Variants in GSK3B observed in about 807,000 individuals in gnomAD.
The protein encoded by GSK3B is glycogen synthase kinase-3 beta.
In GSK3B, 15 loss-of-function variants were observed where a neutral mutation model predicts 56.4. That is an observed-to-expected ratio of 0.27 (90% CI 0.18 to 0.41). GSK3B has a LOEUF of 0.41. Ranked by LOEUF, GSK3B falls within the 10% of genes least tolerant of loss-of-function variation. The pLI, the probability that GSK3B is intolerant of heterozygous loss-of-function variation, is 1.00. For missense variants in GSK3B, 300 were observed against 513.4 expected (o/e 0.58, Z 4.02); for synonymous variants, 181 against 188.9 (o/e 0.96, Z 0.34).
At chr3:119,830,127 C>T (rs1284538630) in intron 10 of GSK3B, among the ~76,000 whole-genome samples, 1 of 152,126 alleles carries the variant, frequency 6.6e-6, no homozygotes, top group African/African-American at 2.4e-5. Flanking sequence ...AAAAGACCAC[C>T]CAGCTTACTG....
At chr3:120,014,132 C>CA (rs886541816) in intron 1 of GSK3B, among the ~76,000 whole-genome samples, 2,951 of 77,128 alleles carry the variant, frequency 0.038, 68 homozygotes, top group South Asian at 0.14. Flanking sequence ...GAGACTCTGT[C>CA]AAAAAAAAAA....
At chr3:120,089,129 G>A (rs1190608955) in intron 1 of GSK3B, among the ~76,000 whole-genome samples, 2 of 152,146 alleles carry the variant, frequency 1.3e-5, no homozygotes, top group Admixed American at 1.3e-4. Context: ...GCTGAACTTT[G>A]CCAGTGAAAT....
chr3:120,087,705 T>C (rs1467008356), intron 1 of GSK3B, among the ~76,000 whole-genome samples: 1 of 152,122 alleles, frequency 6.6e-6, no homozygotes, highest in African/African-American at 2.4e-5. Flanking sequence ...TCAAGACAAA[T>C]ACATCATTAC....
intron 1 of GSK3B, among the ~76,000 whole-genome samples, chr3:120,066,754 G>C (rs1406902204): frequency 6.6e-6 from 1 of 152,186 alleles, no homozygotes; most frequent in African/African-American, 2.4e-5. Flanking sequence ...CACACAGTCT[G>C]TCTTAACTAC....
At chr3:120,068,347 C>T (rs533506521) in intron 1 of GSK3B, among the ~76,000 whole-genome samples, 2,048 of 144,738 alleles carry the variant, frequency 0.014, 12 homozygotes, top group Non-Finnish European at 0.022. Flanking sequence ...GCTGAGATCG[C>T]GCCACTGCAC....
chr3:120,072,122 T>C (rs2058331284), intron 1 of GSK3B, among the ~76,000 whole-genome samples: 1 of 152,208 alleles, frequency 6.6e-6, no homozygotes, highest in Admixed American at 6.5e-5. Flanking sequence ...TCAATTATAC[T>C]ATATCTAAAT....
chr3:120,078,595 AGGCT>A (rs990263667), intron 1 of GSK3B, among the ~76,000 whole-genome samples: 22 of 142,718 alleles, frequency 1.5e-4, no homozygotes, highest in Non-Finnish European at 2.7e-4. Flanking sequence ...GCTGTTTCCC[AGGCT>A]GGAGAGCAAG....
At chr3:119,849,726 C>T (rs894772224) in intron 9 of GSK3B, among the ~76,000 whole-genome samples, 13 of 152,284 alleles carry the variant, frequency 8.5e-5, no homozygotes, top group African/African-American at 3.1e-4. Flanking sequence ...TCCTCAGATA[C>T]CCAAATCCAA....
chr3:119,951,346 C>G (rs1042122752), intron 2 of GSK3B, among the ~76,000 whole-genome samples: 1 of 152,190 alleles, frequency 6.6e-6, no homozygotes, highest in Non-Finnish European at 1.5e-5. Context: ...TTCAGGCGGG[C>G]AGATCACCTG....
intron 7 of GSK3B, among the ~76,000 whole-genome samples, chr3:119,900,446 G>C (rs995555230): frequency 6.6e-6 from 1 of 152,016 alleles, no homozygotes; most frequent in African/African-American, 2.4e-5. Context: ...TGTTAGTTTT[G>C]TGATAGTTTA....
chr3:120,008,512 T>C (rs150909840), intron 1 of GSK3B, among the ~76,000 whole-genome samples: 6 of 152,220 alleles, frequency 3.9e-5, no homozygotes, highest in East Asian at 3.9e-4. Flanking sequence ...AAAACAGATA[T>C]ATAGACCAAA....
At chr3:119,833,394 T>G (rs2055634635) in intron 10 of GSK3B, among the ~76,000 whole-genome samples, 1 of 152,160 alleles carries the variant, frequency 6.6e-6, no homozygotes, top group South Asian at 2.1e-4. Flanking sequence ...TTCTTCTGAT[T>G]TATTGAAATG....
At chr3:119,932,014 A>G (rs1356598590) in intron 3 of GSK3B, among the ~76,000 whole-genome samples, 2 of 152,242 alleles carry the variant, frequency 1.3e-5, no homozygotes, top group African/African-American at 4.8e-5. Context: ...ATCACATGTA[A>G]CAACAACTCA....
chr3:119,969,527 T>C (rs567029822), intron 2 of GSK3B, among the ~76,000 whole-genome samples: 1 of 152,262 alleles, frequency 6.6e-6, no homozygotes, highest in African/African-American at 2.4e-5. Flanking sequence ...AGGCAAAAGA[T>C]TCAGAATAGT....
chr3:120,016,926 C>T (rs1425424347), intron 1 of GSK3B, among the ~76,000 whole-genome samples: 1 of 152,178 alleles, frequency 6.6e-6, no homozygotes. Context: ...TTGGTCTTAA[C>T]TCCTCACTTG....
chr3:120,045,599 C>A (rs1376242121), intron 1 of GSK3B, among the ~76,000 whole-genome samples: 1 of 152,176 alleles, frequency 6.6e-6, no homozygotes, highest in Non-Finnish European at 1.5e-5. Context: ...AGGGACTACA[C>A]ATCAGAAATA....
At chr3:119,830,449 T>C (rs2055581460) in intron 10 of GSK3B, among the ~76,000 whole-genome samples, 1 of 152,146 alleles carries the variant, frequency 6.6e-6, no homozygotes, top group Non-Finnish European at 1.5e-5. Flanking sequence ...TTTAGTTTAG[T>C]GTAATTTCTG....
intron 1 of GSK3B, among the ~76,000 whole-genome samples, chr3:120,059,674 A>T (rs1360178901): frequency 1.3e-5 from 2 of 152,230 alleles, no homozygotes; most frequent in East Asian, 3.8e-4. Context: ...TATGCCAGTT[A>T]GGCCAGAATC....
rs1391379309 is a variant in GSK3B, at chr3:119,916,140, T to A, written c.512A>T (p.Tyr171Phe). 1.2e-6 allele frequency: 2 copies of A among 1,609,066 alleles called. No homozygotes were observed. Among genetic ancestry groups the A allele is most frequent in the Non-Finnish European group, 1.7e-6 (2 of 1,175,612 alleles). ...YMYQLFRSLAYIHSFGICHRD... is the reference protein window; with the variant it reads ...YMYQLFRSLAFIHSFGICHRD... ...ATGGCAGATTCCAAAGGAATGGATA[T>A]AGGCTAAACTTCGGAACAGCTGATA... Residue 171 changes from tyrosine (Y) to phenylalanine (F), a missense_variant, in exon 5 of 11, where the codon TAT (tyrosine) becomes TTT (phenylalanine). By Grantham distance (22) the Tyr-to-Phe change is conservative. Coordinates refer to ENST00000264235, the MANE Select transcript of GSK3B (RefSeq NM_001146156.2).
Sources: allele counts gnomAD v4.1 joint callset (sites outside exome capture counted in the v4.1 genomes callset), GRCh38; gene constraint gnomAD v4.1.1; transcripts MANE v1.5; gene names NCBI Gene and HGNC (gene_info 2026-07-23, HGNC 2026-07-21).